Variants in ATRNL1 observed in about 807,000 individuals in gnomAD.
ATRNL1 encodes attractin like 1, also known as attractin-like protein 1.
A neutral mutation model predicts 182.7 loss-of-function variants in ATRNL1; 95 were observed. That is an observed-to-expected ratio of 0.52 (90% confidence interval 0.44 to 0.62). The LOEUF is 0.62. ATRNL1 is among the 20% of genes least tolerant of loss of function. The probability of loss-of-function intolerance (pLI) is 0.00; values close to 1 mark genes in which losing one functional copy is unlikely to be tolerated. For missense variants in ATRNL1, 1,471 were observed against 1,679.5 expected (o/e 0.88, Z 2.17); for synonymous variants, 576 against 568.3 (o/e 1.01, Z -0.19).
intron 3 of ATRNL1, among the ~76,000 whole-genome samples, chr10:115,123,710 T>A (rs1844841018): frequency 6.6e-6 from 1 of 152,136 alleles, no homozygotes; most frequent in Non-Finnish European, 1.5e-5. Context: ...GCAACAGGGC[T>A]ACACAGTAGG....
At position 115,784,995 on chromosome 10, in the gene ATRNL1, G is replaced by A. The variant is rs145936548; in HGVS notation, c.3903+57640G>A. On this transcript the variant is annotated intron_variant, in intron 27 of 28. Coordinates refer to ENST00000355044, the MANE Select transcript of ATRNL1 (RefSeq NM_207303.4). ...CATTTGCCCCATTTCAACATCCTCC[G>A]AAGTCTCTTAACCCATTCCAGCATT... Among the ~76,000 whole-genome samples the A allele has an allele frequency of 1.9e-3, 296 of 152,122 alleles. 5 individuals carry two copies. Among genetic ancestry groups the A allele is most frequent in the Middle Eastern group, 6.8e-3 (2 of 294 alleles).
intron 26 of ATRNL1, among the ~76,000 whole-genome samples, chr10:115,672,233 G>A (rs567511421): frequency 6.6e-6 from 1 of 152,030 alleles, no homozygotes; most frequent in Non-Finnish European, 1.5e-5. Flanking sequence ...GATGTTGATA[G>A]CCTCATTTTT....
chr10:115,482,688 A>T (rs1233522274), intron 24 of ATRNL1, among the ~76,000 whole-genome samples: 1 of 151,208 alleles, frequency 6.6e-6, no homozygotes, highest in Non-Finnish European at 1.5e-5. Context: ...AATCAGTCCC[A>T]AGAATTAGAG....
At chr10:115,126,300 C>T (rs535447991) in intron 3 of ATRNL1, among the ~76,000 whole-genome samples, 9 of 152,238 alleles carry the variant, frequency 5.9e-5, no homozygotes, top group East Asian at 1.9e-4. Flanking sequence ...CCTCGTTATC[C>T]GCCTGCCTCC....
At chr10:115,177,887 T>G (rs1437203131) in intron 8 of ATRNL1, among the ~76,000 whole-genome samples, 1 of 149,276 alleles carries the variant, frequency 6.7e-6, no homozygotes, top group Non-Finnish European at 1.5e-5. Flanking sequence ...TTTTTTTTTT[T>G]TGGTTTTGTT....
rs2134252467 is a variant in ATRNL1 at position 115,809,329 on chromosome 10, AT to A, written c.3904-38544del. Among the ~76,000 whole-genome samples the A allele has an allele frequency of 2.0e-5, 3 of 152,002 alleles. No homozygotes were observed. The South Asian group carries it at 6.2e-4, about 32-fold the overall frequency. On this transcript the variant is annotated intron_variant, in intron 27 of 28. Transcript: ENST00000355044. ...TAGATCCTCTGCATTTCCCGTATAA[AT>A]TTTAGAATCAACTTTTTCAATTTAT...
intron 20 of ATRNL1, among the ~76,000 whole-genome samples, chr10:115,421,581 T>A (rs1420370317): frequency 6.6e-6 from 1 of 152,130 alleles, no homozygotes; most frequent in South Asian, 2.1e-4. Flanking sequence ...ACAGCTAACA[T>A]CATACCAAAC....
intron 19 of ATRNL1, among the ~76,000 whole-genome samples, chr10:115,359,926 T>C (rs1188086603): frequency 6.6e-6 from 1 of 151,644 alleles, no homozygotes; most frequent in Non-Finnish European, 1.5e-5. Context: ...TTTTATGTGA[T>C]TTTTAACATA....
intron 26 of ATRNL1, among the ~76,000 whole-genome samples, chr10:115,603,479 T>TA (rs1204156350): frequency 6.6e-6 from 1 of 152,174 alleles, no homozygotes; most frequent in Non-Finnish European, 1.5e-5. Flanking sequence ...CCATATCACT[T>TA]AAAAAATTAC....
At chr10:115,142,816 A>G (rs557416495) in intron 5 of ATRNL1, among the ~76,000 whole-genome samples, 17 of 152,270 alleles carry the variant, frequency 1.1e-4, no homozygotes, top group Non-Finnish European at 2.4e-4. Context: ...CAGGATTAAT[A>G]GGATTTGCTG....
chr10:115,470,430 C>T (rs1275960547), intron 24 of ATRNL1, among the ~76,000 whole-genome samples: 3 of 150,228 alleles, frequency 2.0e-5, no homozygotes, highest in African/African-American at 7.3e-5. Flanking sequence ...AAAATTTTAA[C>T]ATTAAGGATG....
At chr10:115,928,846 G>T (rs936613245) in intron 28 of ATRNL1, among the ~76,000 whole-genome samples, 6 of 151,932 alleles carry the variant, frequency 3.9e-5, no homozygotes, top group African/African-American at 1.4e-4. Flanking sequence ...GGTGTGAAAA[G>T]CACCTTTATT....
At chr10:115,432,984 T>C (rs1262226951) in intron 21 of ATRNL1, among the ~76,000 whole-genome samples, 1 of 152,070 alleles carries the variant, frequency 6.6e-6, no homozygotes, top group Non-Finnish European at 1.5e-5. Context: ...TATTTCACTA[T>C]TGTGCTAATT....
intron 27 of ATRNL1, among the ~76,000 whole-genome samples, chr10:115,844,011 G>C (rs1379108248): frequency 6.6e-6 from 1 of 151,992 alleles, no homozygotes; most frequent in Non-Finnish European, 1.5e-5. Context: ...GTGTCTCATC[G>C]GGTAGGTATT....
chr10:115,469,474 G>A (rs1420666897), intron 24 of ATRNL1, 145 bp downstream of exon 24: 8 of 451,714 alleles, frequency 1.8e-5, no homozygotes, highest in Middle Eastern at 6.0e-4. Context: ...AAAGGTCTGC[G>A]AATGTCTGTG....
Position 115,469,297 on chromosome 10 carries a change from G to T in ATRNL1, c.3622G>T (p.Val1208Phe). 1 of 1,530,486 alleles carries T rather than the reference G, an allele frequency of 6.5e-7. No individual in the cohort carries two copies. Among genetic ancestry groups the T allele is most frequent in the South Asian group, 1.3e-5 (1 of 78,380 alleles). 94.8% of individuals were successfully genotyped at this position (1,530,486 alleles called of 1,614,324 possible). The change falls in exon 24 of 29, where the codon GTC becomes TTC. Residue 1208 changes from valine to phenylalanine, a missense_variant. Val to Phe is a conservative substitution (Grantham distance 50). This residue lies in a region of ATRNL1 where 437 missense variants were observed against 506.0 expected (regional missense o/e 0.86). Coordinates refer to ENST00000355044, the MANE Select transcript of ATRNL1 (RefSeq NM_207303.4). Reference sequence around the variant, plus strand: ...TCCTAACATTACATTCTATGTGTACGTCAGCAACTTTTCCTGGCCTATTAA... The same window carrying T: ...TCCTAACATTACATTCTATGTGTACTTCAGCAACTTTTCCTGGCCTATTAA... ...SNPNITFYVY[V>F]SNFSWPIKIQ...
intron 9 of ATRNL1, among the ~76,000 whole-genome samples, chr10:115,219,645 G>T (rs1849368768): frequency 6.6e-6 from 1 of 152,190 alleles, no homozygotes. Flanking sequence ...GCTCATGCCT[G>T]TGATGCCAGC....
At chr10:115,538,600 CTT>C (rs1239568138) in intron 25 of ATRNL1, among the ~76,000 whole-genome samples, 1 of 152,130 alleles carries the variant, frequency 6.6e-6, no homozygotes, top group Admixed American at 6.6e-5. Context: ...GGATACAACT[CTT>C]TTGCCAGATG....
At chr10:115,210,880 C>T (rs1190451110) in intron 8 of ATRNL1, among the ~76,000 whole-genome samples, 3 of 151,876 alleles carry the variant, frequency 2.0e-5, no homozygotes, top group African/African-American at 7.2e-5. Flanking sequence ...ACCTTGCTTT[C>T]ATTTACGTCA....
Sources: gnomAD v4.1 joint callset for allele counts (sites outside exome capture counted in the v4.1 genomes callset) on GRCh38, gnomAD v4.1.1 for gene constraint, gnomAD v4.1.1 regional missense constraint, MANE v1.5 for transcripts, NCBI Gene and HGNC (gene_info 2026-07-23, HGNC 2026-07-21) for gene names.